Variants in MYO6 observed in about 807,000 individuals in gnomAD.
MYO6 encodes unconventional myosin-VI.
MYO6 carries 74 observed loss-of-function variants against 178.7 expected under a neutral mutation model. The ratio of observed to expected loss-of-function variants is 0.41; its 90% CI spans 0.34 to 0.50. The LOEUF (loss-of-function observed/expected upper bound fraction) is 0.50, where lower values mean the gene tolerates loss of function less well. Among genes scored for constraint, MYO6 ranks in the 20% least tolerant of loss-of-function variants. The pLI, the probability that MYO6 is intolerant of heterozygous loss-of-function variation, is 0.09. For synonymous variants in MYO6, 477 were observed against 504.6 expected (o/e 0.95, Z 0.73); for missense variants, 1,330 against 1,547.4 (o/e 0.86, Z 2.36).
chr6:75,875,431 C>T (rs9360952), intron 20 of MYO6, among the ~76,000 whole-genome samples: 19,226 of 151,984 alleles, frequency 0.13, 1,292 homozygotes, highest in Non-Finnish European at 0.15. Context: ...TGTGCCACCA[C>T]GCCCAGCTAA....
chr6:75,857,287 G>T (rs1775802184), intron 13 of MYO6, 33 bp downstream of exon 13: 2 of 1,596,238 alleles, frequency 1.3e-6, no homozygotes, highest in Non-Finnish European at 1.7e-6. Flanking sequence ...GTATATATTT[G>T]TTTCATATTT....
intron 1 of MYO6, among the ~76,000 whole-genome samples, chr6:75,759,524 G>T (rs183435900): frequency 2.6e-5 from 4 of 151,926 alleles, no homozygotes; most frequent in African/African-American, 4.8e-5. Flanking sequence ...CTCTTCCTCC[G>T]AGTCTCCACC....
chr6:75,756,922 T>C (rs1178910120), intron 1 of MYO6, among the ~76,000 whole-genome samples: 12 of 146,230 alleles, frequency 8.2e-5, no homozygotes, highest in African/African-American at 2.8e-4. Flanking sequence ...CACATATATA[T>C]ACACACCATA....
At position 75,833,730 on chromosome 6, in the gene MYO6, G is replaced by A. The variant is rs373751968; in HGVS notation, c.497+783G>A. Among the ~76,000 whole-genome samples, 5 of 151,978 alleles carry A rather than the reference G, an allele frequency of 3.3e-5. No individual in the cohort carries two copies. In the East Asian group the frequency reaches 5.8e-4, roughly 18 times the overall value. The stretch of plus-strand genomic sequence containing the variant: ...TTATTGTAGATCTGTGGTACATTTT[G>A]TTTATCCATGCATTTGTCAATGGAC... On this transcript the variant is annotated intron_variant, in intron 6 of 34. Transcript: ENST00000369977.
intron 30 of MYO6, 75 bp from the exon 31 acceptor site, chr6:75,907,530 T>C (rs1183719263): frequency 1.8e-5 from 22 of 1,189,564 alleles, no homozygotes; most frequent in East Asian, 9.5e-5. Flanking sequence ...AACTTATGCA[T>C]GCTTTCTTGC....
In MYO6 at chr6:75,916,098, A is replaced by T. The variant is rs1163449659; in HGVS notation, c.*1086A>T. 6.6e-6 allele frequency: 1 copy of T among 152,240 alleles called. No individual in the cohort carries two copies. Among genetic ancestry groups the T allele is most frequent in the African/African-American group, 2.4e-5 (1 of 41,466 alleles). The allele number at this position is 152,240 out of a possible 1,614,324, so 9.4% of individuals were successfully genotyped here. On this transcript the variant is annotated 3_prime_UTR_variant, in exon 35 of 35. Transcript: ENST00000369977. ...CTTTGTGTGCTGTTAGTATTGATTC[A>T]AATGTCAGCAGCTTTAAGCCTAATA...
intron 30 of MYO6, among the ~76,000 whole-genome samples, chr6:75,900,134 A>G (rs1040258183): frequency 2.0e-5 from 3 of 151,736 alleles, no homozygotes; most frequent in Non-Finnish European, 2.9e-5. Flanking sequence ...CCAATCTATC[A>G]TTGTTGGACA....
At chr6:75,804,455 G>C (rs1324009546) in intron 1 of MYO6, among the ~76,000 whole-genome samples, 2 of 152,124 alleles carry the variant, frequency 1.3e-5, no homozygotes, top group Non-Finnish European at 2.9e-5. Context: ...TTGGCCAGAT[G>C]AAAGAGTAAT....
chr6:75,881,036 G>A (rs1011981639), intron 22 of MYO6, among the ~76,000 whole-genome samples: 3 of 152,164 alleles, frequency 2.0e-5, no homozygotes, highest in Non-Finnish European at 2.9e-5. Context: ...GGGATTGCTT[G>A]GTTCCAGGAG....
chr6:75,854,122 A>C (rs564263656), intron 11 of MYO6, among the ~76,000 whole-genome samples: 1 of 152,246 alleles, frequency 6.6e-6, no homozygotes, highest in South Asian at 2.1e-4. Flanking sequence ...CTAAGGCAAA[A>C]ATGACCTGCC....
intron 1 of MYO6, among the ~76,000 whole-genome samples, chr6:75,791,564 A>G (rs546335169): frequency 1.6e-4 from 25 of 152,338 alleles, no homozygotes; most frequent in African/African-American, 5.8e-4. Flanking sequence ...AGATTCTGCT[A>G]TATTCCTTTT....
rs1439270580 is a variant in MYO6, at chr6:75,915,813, A to G, written c.*801A>G. The G allele has an allele frequency of 6.6e-6, 1 of 152,660 alleles. No individual in the cohort carries two copies. Among genetic ancestry groups the G allele is most frequent in the East Asian group, 1.9e-4 (1 of 5,204 alleles). The allele number at this position is 152,660 out of a possible 1,614,324, so 9.5% of individuals were successfully genotyped here. The stretch of plus-strand genomic sequence containing the variant: ...AAAGGAAATAGGTTTTAGGTGGCAT[A>G]GTGGCTTAACTGGACTGAATTCAAA... On this transcript the variant is annotated 3_prime_UTR_variant, in exon 35 of 35. Transcript: ENST00000369977.
At chr6:75,904,329 A>C (rs1431614878) in intron 30 of MYO6, among the ~76,000 whole-genome samples, 2 of 151,528 alleles carry the variant, frequency 1.3e-5, no homozygotes, top group Non-Finnish European at 1.5e-5. Flanking sequence ...GTGTTTTCCA[A>C]CTTGGTTCCA....
intron 20 of MYO6, among the ~76,000 whole-genome samples, chr6:75,875,422 G>A (rs1777497874): frequency 6.6e-6 from 1 of 152,102 alleles, no homozygotes; most frequent in Admixed American, 6.5e-5. Context: ...CTAGAGGCAT[G>A]TGCCACCACG....
At chr6:75,752,832 G>A (rs568521037) in intron 1 of MYO6, among the ~76,000 whole-genome samples, 1 of 152,164 alleles carries the variant, frequency 6.6e-6, no homozygotes, top group African/African-American at 2.4e-5. Context: ...ACATATGTAT[G>A]TGTTTAACTT....
Position 75,769,067 on chromosome 6 carries a change from A to G in MYO6, c.-48+19644A>G, listed in dbSNP as rs1013486278. 2.6e-5 allele frequency among the ~76,000 whole-genome samples: 4 copies of G among 152,128 alleles called. No homozygotes were observed. The East Asian group carries it at 7.7e-4, about 29-fold the overall frequency. ...GATTTCTTGTGAACTCAGAGCGAGC[A>G]CTCACTCATTTGTGGGGGTGGCACC... is the stretch of plus-strand genomic sequence containing the variant. On this transcript the variant is annotated intron_variant, in intron 1 of 34. Coordinates refer to ENST00000369977, the MANE Select transcript of MYO6 (RefSeq NM_004999.4).
At position 75,858,970 on chromosome 6, in the gene MYO6, T is replaced by C; in HGVS notation, c.1450T>C (p.Phe484Leu). The C allele has an allele frequency of 6.2e-7, 1 of 1,606,362 alleles. No individual in the cohort carries two copies. Among genetic ancestry groups the C allele is most frequent in the Non-Finnish European group, 8.5e-7 (1 of 1,173,652 alleles). The change falls in exon 14 of 35, where the codon TTT becomes CTT. Residue 484 changes from phenylalanine (F) to leucine (L), a missense_variant. By Grantham distance (22) the Phe-to-Leu change is conservative. Coordinates refer to ENST00000369977, the MANE Select transcript of MYO6 (RefSeq NM_004999.4). Reference sequence around the variant, plus strand: ...TTGCAATGAAAAACTTCAACAATTTTTTAATGAAAGGATTCTGAAGGAGGT... The same window carrying C: ...TTGCAATGAAAAACTTCAACAATTTCTTAATGAAAGGATTCTGAAGGAGGT... ...NYCNEKLQQF[F>L]NERILKEEQE...
intron 13 of MYO6, 27 bp downstream of exon 13, chr6:75,857,281 A>G (rs1307634893): frequency 3.7e-6 from 6 of 1,601,524 alleles, no homozygotes; most frequent in Admixed American, 3.3e-5. Flanking sequence ...TTGTGAGTAT[A>G]TATTTGTTTC....
Position 75,917,703 on chromosome 6 carries a change from A to G in MYO6, c.*2691A>G, listed in dbSNP as rs1260806222. 3 of 152,638 alleles carry G rather than the reference A, an allele frequency of 2.0e-5. No individual in the cohort carries two copies. Among genetic ancestry groups the G allele is most frequent in the African/African-American group, 7.2e-5 (3 of 41,462 alleles). The allele number at this position is 152,638 out of a possible 1,614,324, so 9.5% of individuals were successfully genotyped here. A position where few individuals can be genotyped will look rare whatever the true frequency, so the allele number is the denominator to read the frequency against. On this transcript the variant is annotated 3_prime_UTR_variant, in exon 35 of 35. Transcript: ENST00000369977. ...GAACCATTTTGTTTTGCAAGCAACC[A>G]AGGAAAGAACATCTTAAGTGGAAAA...
Sources: gnomAD v4.1 joint callset for allele counts (sites outside exome capture counted in the v4.1 genomes callset) on GRCh38, gnomAD v4.1.1 for gene constraint, MANE v1.5 for transcripts, NCBI Gene and HGNC (gene_info 2026-07-23, HGNC 2026-07-21) for gene names.